Variants in MOB3B observed in about 807,000 individuals in gnomAD.
The protein encoded by MOB3B is MOB kinase activator 3B, also known as MOB kinase activator-like 2B.
MOB3B carries 7 observed loss-of-function variants against 18.7 expected under a neutral mutation model. The ratio of observed to expected loss-of-function variants is 0.37; its 90% CI spans 0.21 to 0.70. The LOEUF (loss-of-function observed/expected upper bound fraction) is 0.70, where lower values mean the gene tolerates loss of function less well. Ranked by LOEUF, MOB3B falls within the 30% of genes least tolerant of loss-of-function variation. MOB3B has a pLI of 0.52. For synonymous variants in MOB3B, 111 were observed against 99.9 expected (o/e 1.11, Z -0.66); for missense variants, 253 against 281.3 (o/e 0.90, Z 0.72).
chr9:27,367,369 A>C (rs1821355590), intron 2 of MOB3B, among the ~76,000 whole-genome samples: 1 of 152,238 alleles, frequency 6.6e-6, no homozygotes, highest in Non-Finnish European at 1.5e-5. Context: ...TGGGGAAACG[A>C]AACTTGTTAG....
At position 27,326,151 on chromosome 9, in the gene MOB3B, T is replaced by C. The variant is rs1396738611; in HGVS notation, c.*4436A>G. 7.9e-6 allele frequency: 2 copies of C among 254,532 alleles called. No homozygotes were observed. Among genetic ancestry groups the C allele is most frequent in the Admixed American group, 1.1e-4 (2 of 18,250 alleles). The allele number at this position is 254,532 out of a possible 1,614,324, so 15.8% of individuals were successfully genotyped here. A position where few individuals can be genotyped will look rare whatever the true frequency, so the allele number is the denominator to read the frequency against. ...TGGACTTAGCAAAGAAACAATATAG[T>C]TTGGAGAAGGCATGAAATAAGTTCT... On this transcript the variant is annotated 3_prime_UTR_variant, in exon 4 of 4. Transcript: ENST00000262244.
At chr9:27,494,801 C>T (rs145977435) in intron 1 of MOB3B, among the ~76,000 whole-genome samples, 87 of 152,266 alleles carry the variant, frequency 5.7e-4, no homozygotes, top group African/African-American at 1.9e-3. Flanking sequence ...GCGTGAGCCA[C>T]CATGCCCTGC....
intron 1 of MOB3B, among the ~76,000 whole-genome samples, chr9:27,511,225 A>AAC (rs1554655014): frequency 3.3e-5 from 5 of 151,380 alleles, no homozygotes; most frequent in African/African-American, 1.2e-4. Flanking sequence ...ACAAAAAAAA[A>AAC]AAGAAAGAAA....
intron 3 of MOB3B, among the ~76,000 whole-genome samples, chr9:27,353,709 C>A (rs1821142699): frequency 6.6e-6 from 1 of 152,172 alleles, no homozygotes; most frequent in Non-Finnish European, 1.5e-5. Context: ...CTCCCCCTGC[C>A]CTAATCAGCT....
intron 1 of MOB3B, among the ~76,000 whole-genome samples, chr9:27,491,897 T>C (rs534793500): frequency 6.6e-5 from 10 of 152,078 alleles, no homozygotes; most frequent in Non-Finnish European, 1.3e-4. Context: ...CAAAAATCAA[T>C]ATAGGAATTT....
chr9:27,419,155 G>C (rs1822202790), intron 2 of MOB3B, among the ~76,000 whole-genome samples: 1 of 150,742 alleles, frequency 6.6e-6, no homozygotes, highest in Admixed American at 6.6e-5. Flanking sequence ...AGAAATCATA[G>C]ATGACACAAA....
rs115579233 is a variant in MOB3B at position 27,449,600 on chromosome 9, T to C, written c.418+5533A>G. ...CTAATTCCAACATACTGTAAATATA[T>C]TTTGTTGATGCCCATTCTGTCTTGC... On this transcript the variant is annotated intron_variant, in intron 2 of 3. Transcript: ENST00000262244. 2.7e-3 allele frequency among the ~76,000 whole-genome samples: 413 copies of C among 152,354 alleles called. 1 individual carries two copies. Among genetic ancestry groups the C allele is most frequent in the African/African-American group, 9.4e-3 (392 of 41,592 alleles).
intron 1 of MOB3B, among the ~76,000 whole-genome samples, chr9:27,457,148 A>ATAT (rs1463965728): frequency 6.6e-6 from 1 of 152,228 alleles, no homozygotes; most frequent in African/African-American, 2.4e-5. Context: ...ACATGGCCAT[A>ATAT]TATTCCCAAA....
At chr9:27,347,326 C>A (rs1256628720) in intron 3 of MOB3B, among the ~76,000 whole-genome samples, 1 of 152,178 alleles carries the variant, frequency 6.6e-6, no homozygotes, top group Non-Finnish European at 1.5e-5. Context: ...TTTATTTTTA[C>A]CAGTGGGAAA....
intron 3 of MOB3B, among the ~76,000 whole-genome samples, chr9:27,343,908 C>A (rs183311429): frequency 1.3e-5 from 2 of 151,630 alleles, no homozygotes; most frequent in African/African-American, 4.8e-5. Context: ...TCCTAAAGAC[C>A]CAATTCATAT....
intron 1 of MOB3B, among the ~76,000 whole-genome samples, chr9:27,516,750 A>G (rs760469210): frequency 3.3e-5 from 5 of 152,096 alleles, no homozygotes; most frequent in Non-Finnish European, 5.9e-5. Flanking sequence ...TCCATTCCCC[A>G]TATATTCTCT....
At chr9:27,456,311 C>T (rs768115924) in intron 1 of MOB3B, among the ~76,000 whole-genome samples, 12 of 152,042 alleles carry the variant, frequency 7.9e-5, no homozygotes, top group Non-Finnish European at 1.6e-4. Flanking sequence ...TTGCTTGGAC[C>T]GTGTGTAGTG....
rs1349362966 is a variant in MOB3B, at chr9:27,359,377, GT to G, written c.419-142del. On this transcript the variant is annotated intron_variant, in intron 2 of 3. Coordinates refer to ENST00000262244, the MANE Select transcript of MOB3B (RefSeq NM_024761.5). ...CAGGAGTCATAGGGAGTGTGTGTGTGTGGGGGGGGGGGGTTGGTAGCAAACT... is the reference window on the plus strand; with the variant it reads ...CAGGAGTCATAGGGAGTGTGTGTGTGGGGGGGGGGGGGTTGGTAGCAAACT... The G allele has an allele frequency of 1.7e-3, 831 of 493,842 alleles. 2 individuals are homozygous for G. Among genetic ancestry groups the G allele is most frequent in the South Asian group, 3.0e-3 (132 of 43,616 alleles). 30.6% of individuals were successfully genotyped at this position (493,842 alleles called of 1,614,324 possible). A position where few individuals can be genotyped will look rare whatever the true frequency, so the allele number is the denominator to read the frequency against.
intron 2 of MOB3B, among the ~76,000 whole-genome samples, chr9:27,409,609 G>A (rs1466961773): frequency 5.9e-5 from 9 of 151,866 alleles, no homozygotes; most frequent in Admixed American, 1.3e-4. Flanking sequence ...TGAAAAGCAA[G>A]GACTCAAATA....
At chr9:27,500,702 A>T (rs1819977214) in intron 1 of MOB3B, among the ~76,000 whole-genome samples, 1 of 152,208 alleles carries the variant, frequency 6.6e-6, no homozygotes, top group African/African-American at 2.4e-5. Flanking sequence ...GGACTTCATG[A>T]CTAAAACACC....
intron 3 of MOB3B, among the ~76,000 whole-genome samples, chr9:27,352,188 C>T (rs1204487262): frequency 6.6e-6 from 1 of 151,950 alleles, no homozygotes; most frequent in Admixed American, 6.6e-5. Context: ...CCAGACCAGC[C>T]TGGGAAACGT....
intron 1 of MOB3B, among the ~76,000 whole-genome samples, chr9:27,489,585 A>G (rs1455588181): frequency 6.6e-6 from 1 of 152,178 alleles, no homozygotes; most frequent in African/African-American, 2.4e-5. Context: ...GGTGAGGCAT[A>G]AATTTCCCTA....
At chr9:27,467,440 G>A (rs1251060248) in intron 1 of MOB3B, among the ~76,000 whole-genome samples, 2 of 152,218 alleles carry the variant, frequency 1.3e-5, no homozygotes, top group Admixed American at 1.3e-4. Context: ...TTCAGGTGGT[G>A]TGATGATCAA....
At chr9:27,337,306 T>G (rs1364707786) in intron 3 of MOB3B, among the ~76,000 whole-genome samples, 1 of 152,236 alleles carries the variant, frequency 6.6e-6, no homozygotes, top group Non-Finnish European at 1.5e-5. Context: ...AATCTCCAGA[T>G]TGTACCCATA....
Sources: gnomAD v4.1 joint callset for allele counts (sites outside exome capture counted in the v4.1 genomes callset) on GRCh38, gnomAD v4.1.1 for gene constraint, MANE v1.5 for transcripts, NCBI Gene and HGNC (gene_info 2026-07-23, HGNC 2026-07-21) for gene names.